The following TBC1D22B variants were observed in gnomAD, a reference collection of about 807,000 sequenced individuals.
TBC1D22B encodes the protein TBC1 domain family member 22B, also known as chromosome 6 open reading frame 197.
In TBC1D22B, 32 loss-of-function variants were observed where a neutral mutation model predicts 69.1. The observed-to-expected ratio is 0.46, with a 90% CI of 0.35 to 0.62. The LOEUF is 0.62. Ranked by LOEUF, TBC1D22B falls within the 20% of genes least tolerant of loss-of-function variation. The pLI is 0.00. For missense variants in TBC1D22B, 462 were observed against 630.9 expected (o/e 0.73, Z 2.87); for synonymous variants, 206 against 229.8 (o/e 0.90, Z 0.94).
At chr6:37,278,096 C>CACT (rs1183606849) in intron 2 of TBC1D22B, among the ~76,000 whole-genome samples, 1 of 152,150 alleles carries the variant, frequency 6.6e-6, no homozygotes, top group East Asian at 1.9e-4. Context: ...TGCACTCCAT[C>CACT]ACTCCACCCT....
At chr6:37,264,025 T>C (rs1416678441) in intron 1 of TBC1D22B, among the ~76,000 whole-genome samples, 2 of 132,646 alleles carry the variant, frequency 1.5e-5, no homozygotes, top group African/African-American at 5.9e-5. Context: ...TCACTTGTGT[T>C]AGAGCAAATG....
chr6:37,293,139 G>C (rs1466402670), intron 8 of TBC1D22B, among the ~76,000 whole-genome samples: 1 of 151,030 alleles, frequency 6.6e-6, no homozygotes, highest in African/African-American at 2.4e-5. Flanking sequence ...GTGCAGTGGC[G>C]TGATCTCGGC....
intron 8 of TBC1D22B, among the ~76,000 whole-genome samples, chr6:37,306,445 C>T (rs1267156619): frequency 6.6e-6 from 1 of 152,178 alleles, no homozygotes; most frequent in Non-Finnish European, 1.5e-5. Context: ...TAACATGCTG[C>T]CCATCTCTGT....
intron 1 of TBC1D22B, among the ~76,000 whole-genome samples, chr6:37,265,553 T>C (rs1441763834): frequency 2.0e-5 from 3 of 151,390 alleles, no homozygotes; most frequent in Non-Finnish European, 1.5e-5. Flanking sequence ...TTTCCCGTGG[T>C]CAGTGGGGGT....
chr6:37,298,902 A>G lies in TBC1D22B; in HGVS notation c.982+7545A>G, dbSNP rs115283983. 9.3e-3 allele frequency among the ~76,000 whole-genome samples: 1,417 copies of G among 152,274 alleles called. 22 individuals are homozygous for G. Among genetic ancestry groups the G allele is most frequent in the African/African-American group, 0.031 (1,303 of 41,548 alleles). ...AACATTGCAGTGAATATCCTTGTAC[A>G]TATTTTCTTGTGCACTTGTTAAAAT... is the stretch of plus-strand genomic sequence containing the variant. On this transcript the variant is annotated intron_variant, in intron 8 of 12. Transcript: ENST00000373491.
chr6:37,327,516 A>G (rs1282348766), intron 12 of TBC1D22B, among the ~76,000 whole-genome samples: 1 of 149,406 alleles, frequency 6.7e-6, no homozygotes, highest in South Asian at 2.1e-4. Flanking sequence ...ATAAGTTGAG[A>G]TAGAAATGAT....
At chr6:37,313,426 G>A (rs1418640130) in intron 9 of TBC1D22B, among the ~76,000 whole-genome samples, 2 of 151,672 alleles carry the variant, frequency 1.3e-5, no homozygotes, top group Non-Finnish European at 2.9e-5. Flanking sequence ...GGAGGTCAAA[G>A]CTGTAGTGAG....
chr6:37,277,154 A>G (rs912486877), intron 2 of TBC1D22B, among the ~76,000 whole-genome samples: 2 of 151,972 alleles, frequency 1.3e-5, no homozygotes, highest in Non-Finnish European at 2.9e-5. Flanking sequence ...CCTGAGTTAA[A>G]ATTCAACTTC....
intron 8 of TBC1D22B, 129 bp downstream of exon 8, chr6:37,291,486 C>G (rs934484613): frequency 2.2e-5 from 14 of 634,126 alleles, no homozygotes; most frequent in Non-Finnish European, 3.4e-5. Flanking sequence ...CTTTGGCATA[C>G]ACAGCTAAAA....
At chr6:37,317,299 A>G in intron 12 of TBC1D22B, 93 bp downstream of exon 12, 1 of 1,278,552 alleles carries the variant, frequency 7.8e-7, no homozygotes, top group East Asian at 2.5e-5. Flanking sequence ...GTGCCATAGC[A>G]GGTACCTGGC....
At chr6:37,295,240 G>C (rs966568577) in intron 8 of TBC1D22B, among the ~76,000 whole-genome samples, 2 of 152,008 alleles carry the variant, frequency 1.3e-5, no homozygotes, top group South Asian at 2.1e-4. Flanking sequence ...GAGTAGGTGG[G>C]ACTACAGGTG....
rs761622860 is a variant in TBC1D22B, at chr6:37,332,853, TAAAG to T, written c.*1687_*1690del. ...GAGACCCTCCCTCAACCGGACTAAT[TAAAG>T]AAAGACACTTGTGTTCCCAAGTGGT... On this transcript the variant is annotated 3_prime_UTR_variant, in exon 13 of 13. Coordinates refer to ENST00000373491, the MANE Select transcript of TBC1D22B (RefSeq NM_017772.4). 6.6e-6 allele frequency: 1 copy of T among 152,632 alleles called. No homozygotes were observed. The highest frequency in any genetic ancestry group is 1.5e-5 in the Non-Finnish European group (1 of 68,034). 9.5% of individuals were successfully genotyped at this position (152,632 alleles called of 1,614,324 possible).
rs1768595754 is a variant in TBC1D22B at position 37,332,042 on chromosome 6, G to T, written c.*870G>T. The T allele has an allele frequency of 6.6e-6, 1 of 152,650 alleles. No homozygotes were observed. The highest frequency in any genetic ancestry group is 2.1e-4 in the South Asian group (1 of 4,832). 9.5% of individuals were successfully genotyped at this position (152,650 alleles called of 1,614,324 possible). A position where few individuals can be genotyped will look rare whatever the true frequency, so the allele number is the denominator to read the frequency against. On this transcript the variant is annotated 3_prime_UTR_variant, in exon 13 of 13. Transcript: ENST00000373491. The stretch of plus-strand genomic sequence containing the variant: ...AGATGTACAAATATATGTCCTCTTT[G>T]TAGCAGATATGATTTTATATTTATA...
intron 12 of TBC1D22B, among the ~76,000 whole-genome samples, chr6:37,326,845 A>G (rs190473229): frequency 6.6e-6 from 1 of 152,352 alleles, no homozygotes; most frequent in East Asian, 1.9e-4. Flanking sequence ...AAATTTTAAA[A>G]AAATTGATTA....
At chr6:37,282,439 C>A in intron 4 of TBC1D22B, 75 bp downstream of exon 4, 2 of 1,452,494 alleles carry the variant, frequency 1.4e-6, no homozygotes, top group East Asian at 2.3e-5. Context: ...AGCTACTGCT[C>A]TTTATTCTTC....
intron 8 of TBC1D22B, among the ~76,000 whole-genome samples, chr6:37,301,822 T>C (rs1163531045): frequency 6.6e-6 from 1 of 152,170 alleles, no homozygotes; most frequent in Non-Finnish European, 1.5e-5. Flanking sequence ...CAAAGGTTTT[T>C]TGCTATGGCC....
intron 1 of TBC1D22B, among the ~76,000 whole-genome samples, chr6:37,264,271 A>G (rs1013211632): frequency 1.3e-5 from 2 of 152,034 alleles, no homozygotes; most frequent in Non-Finnish European, 2.9e-5. Flanking sequence ...GTGGCTTGCT[A>G]GGAAGGGAGG....
At chr6:37,313,936 T>A (rs1180120953) in intron 10 of TBC1D22B, 45 bp downstream of exon 10, 2 of 1,568,160 alleles carry the variant, frequency 1.3e-6, no homozygotes, top group Non-Finnish European at 1.8e-6. Context: ...GCAGAGTTGA[T>A]TCTGTTATGA....
rs1483892995 is a variant in TBC1D22B, at chr6:37,284,343, T to C, written c.680T>C (p.Leu227Pro). The C allele has an allele frequency of 1.9e-6, 3 of 1,614,140 alleles. No individual in the cohort carries two copies. Residue 227 changes from leucine to proline, a missense_variant, in exon 6 of 13, where the codon CTC becomes CCC. Physicochemically the swap from Leu to Pro is moderately conservative, Grantham distance 98 (BLOSUM62 -3). This residue lies in a region of TBC1D22B where 225 missense variants were observed against 375.4 expected (regional missense o/e 0.60). Transcript: ENST00000373491. ...CAGCAGTCTTGTCTATAGGGCTATCTCCCAGCAAACACTGAGAGGAGGAAG... is the reference window on the plus strand; with the variant it reads ...CAGCAGTCTTGTCTATAGGGCTATCCCCCAGCAAACACTGAGAGGAGGAAG... ...PITWRLLSGYLPANTERRKLT... is the reference protein window; with the variant it reads ...PITWRLLSGYPPANTERRKLT...
Sources: gnomAD v4.1 joint callset for allele counts (sites outside exome capture counted in the v4.1 genomes callset) on GRCh38, gnomAD v4.1.1 for gene constraint, gnomAD v4.1.1 regional missense constraint, MANE v1.5 for transcripts, NCBI Gene and HGNC (gene_info 2026-07-23, HGNC 2026-07-21) for gene names.